TAB1: variants seen among roughly 807,000 people sequenced by gnomAD.
The protein encoded by TAB1 is TGF-beta activated kinase 1 (MAP3K7) binding protein 1.
A neutral mutation model predicts 54.5 loss-of-function variants in TAB1; 30 were observed. That is an observed-to-expected ratio of 0.55 (90% CI 0.41 to 0.75). The LOEUF (loss-of-function observed/expected upper bound fraction) is 0.75. Ranked by LOEUF, TAB1 falls within the 30% of genes least tolerant of loss-of-function variation. The probability of loss-of-function intolerance (pLI) is 0.00; values close to 1 mark genes in which losing one functional copy is unlikely to be tolerated. For synonymous variants in TAB1, 289 were observed against 286.9 expected (o/e 1.01, Z -0.07); for missense variants, 609 against 683.2 (o/e 0.89, Z 1.21).
At chr22:39,427,743 C>T (rs1369729558) in intron 9 of TAB1, among the ~76,000 whole-genome samples, 1 of 152,194 alleles carries the variant, frequency 6.6e-6, no homozygotes, top group Non-Finnish European at 1.5e-5. Flanking sequence ...CATGGGAAGC[C>T]AGGCAGTAAC....
chr22:39,426,804 C>G lies in TAB1; in HGVS notation c.1023C>G (p.Thr341=), dbSNP rs1484441733. The part of the protein sequence containing the change: ...VDRVKRIHSD[T]FASGGERARF... ...GGGTGAAGCGCATCCACAGCGACACCTTCGCCAGTGGTGGGGAGCGTGCCA... is the reference window on the plus strand; with the variant it reads ...GGGTGAAGCGCATCCACAGCGACACGTTCGCCAGTGGTGGGGAGCGTGCCA... The change falls in exon 9 of 11, where the codon ACC becomes ACG. Residue 341 remains threonine, a synonymous_variant. Transcript: ENST00000216160. The G allele has an allele frequency of 6.2e-7, 1 of 1,613,940 alleles. No individual in the cohort carries two copies. The highest frequency in any genetic ancestry group is 1.3e-5 in the African/African-American group (1 of 74,960).
Position 39,430,682 on chromosome 22 carries a change from G to A in TAB1, c.*460G>A, listed in dbSNP as rs1054770889. On this transcript the variant is annotated 3_prime_UTR_variant, in exon 11 of 11. Coordinates refer to ENST00000216160, the MANE Select transcript of TAB1 (RefSeq NM_006116.3). ...AGCCCTCCACTTCTCCAGCCTCTCA[G>A]CCCTGTGCTCCTGCATCCAGAGTGG... 4.1e-5 allele frequency: 43 copies of A among 1,050,662 alleles called. No individual in the cohort carries two copies. The highest frequency in any genetic ancestry group is 8.1e-6 in the Non-Finnish European group (7 of 866,908). The allele number at this position is 1,050,662 out of a possible 1,614,324, so 65.1% of individuals were successfully genotyped here.
At chr22:39,414,257 G>A (rs1926728385) in intron 1 of TAB1, among the ~76,000 whole-genome samples, 1 of 152,202 alleles carries the variant, frequency 6.6e-6, no homozygotes, top group Non-Finnish European at 1.5e-5. Flanking sequence ...AGAAGAGGGA[G>A]GGTGTTCATG....
At chr22:39,432,640 A>T, downstream of TAB1, 1 of 641,958 alleles carries the variant, frequency 1.6e-6, no homozygotes, top group Non-Finnish European at 1.9e-6. Flanking sequence ...CAGCCCTGCC[A>T]CCCGAGAGAG....
At chr22:39,427,952 G>A (rs1927420659) in intron 9 of TAB1, 69 bp from the exon 10 acceptor site, 1 of 1,451,824 alleles carries the variant, frequency 6.9e-7, no homozygotes, top group Non-Finnish European at 9.4e-7. Context: ...CCATGGAGCA[G>A]CTATGCCCCT....
chr22:39,423,520 G>A (rs889700718), intron 8 of TAB1, among the ~76,000 whole-genome samples: 18 of 152,234 alleles, frequency 1.2e-4, no homozygotes, highest in African/African-American at 3.4e-4. Flanking sequence ...CAGGAGAATC[G>A]CTTGAACCCG....
intron 4 of TAB1, among the ~76,000 whole-genome samples, chr22:39,417,481 G>A (rs1601692005): frequency 6.6e-6 from 1 of 152,292 alleles, no homozygotes; most frequent in African/African-American, 2.4e-5. Context: ...TTAGCTGGGC[G>A]TGGTGGTGGG....
intron 10 of TAB1, chr22:39,429,071 C>T (rs1370955054): frequency 2.0e-6 from 2 of 985,418 alleles, no homozygotes; most frequent in Non-Finnish European, 2.4e-6. Context: ...CGCTGTGGCC[C>T]TAGACAAGGC....
At position 39,415,574 on chromosome 22, in the gene TAB1, A is replaced by G. The variant is rs1363159603; in HGVS notation, c.245A>G (p.Gln82Arg). 6.2e-7 allele frequency: 1 copy of G among 1,614,150 alleles called. No homozygotes were observed. Among genetic ancestry groups the G allele is most frequent in the Non-Finnish European group, 8.5e-7 (1 of 1,179,990 alleles). The change falls in exon 3 of 11, where the codon CAG becomes CGG. Residue 82 changes from glutamine to arginine, a missense_variant. Physicochemically the swap from Gln to Arg is conservative, Grantham distance 43 (BLOSUM62 1). Coordinates refer to ENST00000216160, the MANE Select transcript of TAB1 (RefSeq NM_006116.3). The surrounding 1 kb of genome is among the most constrained non-coding windows in gnomAD (Gnocchi z 4.9). ...DGNRVTNFVAQRLSAELLLGQ... is the reference protein window; with the variant it reads ...DGNRVTNFVARRLSAELLLGQ... ...AACCGAGTGACCAACTTCGTGGCCC[A>G]GCGGCTGTCCGCAGAGCTCCTGCTG...
chr22:39,434,531 A>G (rs565404580), downstream of TAB1, among the ~76,000 whole-genome samples: 24 of 152,388 alleles, frequency 1.6e-4, no homozygotes, highest in South Asian at 2.5e-3. Flanking sequence ...TGAGCTCGGC[A>G]TGAGCACAGG....
At chr22:39,403,507 G>T (rs1038662941) in intron 1 of TAB1, among the ~76,000 whole-genome samples, 2 of 152,138 alleles carry the variant, frequency 1.3e-5, no homozygotes, top group African/African-American at 4.8e-5. Flanking sequence ...TGAGGGAGCC[G>T]GGGGCCATGC....
Position 39,416,844 on chromosome 22 carries a change from T to C in TAB1, c.378T>C (p.Ala126=). 1 of 1,614,210 alleles carries C rather than the reference T, an allele frequency of 6.2e-7. No individual in the cohort carries two copies. The part of the protein sequence containing the change: ...SFLESIDDAL[A]EKASLQSQLP... ...TGGAGTCCATTGACGACGCCTTGGC[T>C]GAGAAGGCAAGCCTCCAGTCGCAAT... The change falls in exon 4 of 11, where the codon GCT becomes GCC. Residue 126 remains alanine (A), a synonymous_variant. Transcript: ENST00000216160.
chr22:39,401,929 G>A (rs1446213531), intron 1 of TAB1, among the ~76,000 whole-genome samples: 2 of 152,222 alleles, frequency 1.3e-5, no homozygotes, highest in African/African-American at 4.8e-5. Flanking sequence ...CTGCTGGTCT[G>A]TGGCTACTGG....
chr22:39,429,735 G>A, intron 10 of TAB1: 2 of 788,658 alleles, frequency 2.5e-6, no homozygotes, highest in Non-Finnish European at 3.1e-6. Flanking sequence ...ACCCGTCTTG[G>A]CCTCCCAAAG....
At chr22:39,413,307 A>G (rs562314045) in intron 1 of TAB1, among the ~76,000 whole-genome samples, 27 of 152,284 alleles carry the variant, frequency 1.8e-4, no homozygotes, top group Non-Finnish European at 2.8e-4. Context: ...TATCGTCTGC[A>G]AACAAGGATC....
chr22:39,410,498 C>CTT lies in TAB1; in HGVS notation c.34-4495_34-4494dup, dbSNP rs34664960. ...CTGAGCAGAATTGTTGCCATTTCTA[C>CTT]TTTTTTTTTTTTTTAATTTAGTTGT... On this transcript the variant is annotated intron_variant, in intron 1 of 10. Transcript: ENST00000216160. 1.6e-3 allele frequency among the ~76,000 whole-genome samples: 240 copies of CTT among 145,738 alleles called. 5 individuals carry two copies. The East Asian group carries it at 0.043, about 26-fold the overall frequency.
In TAB1 at chr22:39,418,790, G is replaced by A. The variant is rs1185265362; in HGVS notation, c.609G>A (p.Leu203=). Residue 203 remains leucine, a synonymous_variant, in exon 6 of 11, where the codon CTG becomes CTA. Coordinates refer to ENST00000216160, the MANE Select transcript of TAB1 (RefSeq NM_006116.3). The stretch of plus-strand genomic sequence containing the variant: ...TGGATGGGTTGCAGGTGACACAGCT[G>A]AACGTGGACCACACCACAGAGAACG... The part of the protein sequence containing the change: ...STVDGLQVTQ[L]NVDHTTENED... The A allele has an allele frequency of 1.9e-6, 3 of 1,614,070 alleles. No individual in the cohort carries two copies. The Admixed American group carries it at 5.0e-5, about 27-fold the overall frequency.
chr22:39,411,173 A>C (rs922408960), intron 1 of TAB1, among the ~76,000 whole-genome samples: 1 of 152,214 alleles, frequency 6.6e-6, no homozygotes, highest in Non-Finnish European at 1.5e-5. Context: ...TGGATCACAG[A>C]TCTAAATGTA....
intron 8 of TAB1, among the ~76,000 whole-genome samples, chr22:39,425,376 C>G (rs1240703054): frequency 6.7e-6 from 1 of 150,364 alleles, no homozygotes; most frequent in Non-Finnish European, 1.5e-5. Flanking sequence ...CAGTGAGACT[C>G]TGTCTCAAAA....
Sources: allele counts gnomAD v4.1 joint callset (sites outside exome capture counted in the v4.1 genomes callset), GRCh38; gene constraint gnomAD v4.1.1; non-coding constraint Gnocchi (gnomAD v3.1); transcripts MANE v1.5; gene names NCBI Gene and HGNC (gene_info 2026-07-23, HGNC 2026-07-21).